The following KLF13 variants were observed in gnomAD, a reference collection of about 807,000 sequenced individuals.
The protein encoded by KLF13 is Krueppel-like factor 13.
KLF13 carries 8 observed loss-of-function variants against 16.7 expected under a neutral mutation model. That is an observed-to-expected ratio of 0.48 (90% CI 0.28 to 0.87). KLF13 has a LOEUF of 0.87. Ranked by LOEUF, KLF13 falls within the 40% of genes least tolerant of loss-of-function variation. The pLI is 0.10. For synonymous variants in KLF13, 245 were observed against 208.4 expected (o/e 1.18, Z -1.51); for missense variants, 447 against 452.2 (o/e 0.99, Z 0.10).
chr15:31,352,044 C>T (rs928468457), intron 1 of KLF13, among the ~76,000 whole-genome samples: 1 of 150,966 alleles, frequency 6.6e-6, no homozygotes, highest in Non-Finnish European at 1.5e-5. Flanking sequence ...GGGAGTTTTG[C>T]AGTGAACAGA....
chr15:31,405,048 T>C (rs7174859), downstream of KLF13, among the ~76,000 whole-genome samples: 16,526 of 152,212 alleles, frequency 0.11, 3,113 homozygotes, highest in African/African-American at 0.38. Context: ...CATGTGCCCC[T>C]GAAACTCATA....
rs2038722641 is a variant in KLF13 at position 31,327,115 on chromosome 15, C to T, written c.-98C>T. ...AGCCCAGCCCGAGGAGAGGGCGCGC[C>T]GCGCCCCCGCCCCCCGCCCGCTCTC... is the stretch of plus-strand genomic sequence containing the variant. On this transcript the variant is annotated 5_prime_UTR_variant, in exon 1 of 2. Transcript: ENST00000307145. 5.8e-6 allele frequency: 6 copies of T among 1,033,198 alleles called. No homozygotes were observed. The highest frequency in any genetic ancestry group is 3.8e-5 in the South Asian group (1 of 26,534). 64.0% of individuals were successfully genotyped at this position (1,033,198 alleles called of 1,614,324 possible).
intron 1 of KLF13, among the ~76,000 whole-genome samples, chr15:31,386,399 T>A (rs538507907): frequency 6.6e-6 from 1 of 152,158 alleles, no homozygotes; most frequent in Non-Finnish European, 1.5e-5. Flanking sequence ...CTTGAAAGGC[T>A]GAAGCAGGAG....
intron 1 of KLF13, among the ~76,000 whole-genome samples, chr15:31,341,360 G>A (rs2039018666): frequency 1.3e-5 from 2 of 152,158 alleles, no homozygotes; most frequent in South Asian, 2.1e-4. Flanking sequence ...GTGTGTGTAC[G>A]TGTGTGTGTC....
chr15:31,383,774 C>T (rs111242083), intron 1 of KLF13, among the ~76,000 whole-genome samples: 82 of 152,104 alleles, frequency 5.4e-4, no homozygotes, highest in African/African-American at 1.7e-3. Flanking sequence ...TGGTGGTGGG[C>T]GCCTGTAGTC....
Position 31,359,690 on chromosome 15 carries a change from G to C in KLF13, c.578-12320G>C, listed in dbSNP as rs994228231. Among the ~76,000 whole-genome samples, 3 of 152,208 alleles carry C rather than the reference G, an allele frequency of 2.0e-5. No homozygotes were observed. In the East Asian group the frequency reaches 5.8e-4, roughly 29 times the overall value. ...TAGAGCTCTGGCATATGCATTTCAT[G>C]TGTGCATTTGAGGGTGGGGCTCAGC... is the stretch of plus-strand genomic sequence containing the variant. On this transcript the variant is annotated intron_variant, in intron 1 of 1. Transcript: ENST00000307145.
chr15:31,349,676 C>T (rs773450298), intron 1 of KLF13, among the ~76,000 whole-genome samples: 29 of 152,156 alleles, frequency 1.9e-4, no homozygotes, highest in African/African-American at 5.3e-4. Context: ...AGAAGTCCTC[C>T]GGGCCCATGT....
At chr15:31,361,806 C>T (rs539517762) in intron 1 of KLF13, among the ~76,000 whole-genome samples, 2 of 151,748 alleles carry the variant, frequency 1.3e-5, no homozygotes, top group Admixed American at 1.3e-4. Flanking sequence ...ACTGTCAAGG[C>T]TGGTGCCCCC....
intron 1 of KLF13, among the ~76,000 whole-genome samples, chr15:31,331,399 C>T (rs190580234): frequency 6.6e-5 from 10 of 152,332 alleles, no homozygotes; most frequent in Non-Finnish European, 1.2e-4. Flanking sequence ...TTATCTTTAC[C>T]CACTGAAGCA....
intron 1 of KLF13, among the ~76,000 whole-genome samples, chr15:31,329,139 T>G (rs2038780094): frequency 1.4e-5 from 2 of 141,266 alleles, no homozygotes; most frequent in South Asian, 2.2e-4. Context: ...TGGCAGGTGA[T>G]GGGGTAGAGG....
At chr15:31,343,678 T>A (rs2039066267) in intron 1 of KLF13, among the ~76,000 whole-genome samples, 1 of 152,208 alleles carries the variant, frequency 6.6e-6, no homozygotes, top group South Asian at 2.1e-4. Context: ...AAAAGTTTTC[T>A]ACTTAAACTG....
chr15:31,417,114 C>T (rs1448819872), intron 1 of KLF13, among the ~76,000 whole-genome samples: 4 of 152,156 alleles, frequency 2.6e-5, no homozygotes, highest in Non-Finnish European at 4.4e-5. Flanking sequence ...CATTATGAAG[C>T]AGCAAAAAGG....
chr15:31,339,876 C>A, intron 1 of KLF13: 1 of 686,276 alleles, frequency 1.5e-6, no homozygotes, highest in South Asian at 1.5e-5. Flanking sequence ...GGAGATGCAG[C>A]AGCGGGCTCT....
chr15:31,432,225 G>A (rs190141068), intron 1 of KLF13, among the ~76,000 whole-genome samples: 1 of 152,118 alleles, frequency 6.6e-6, no homozygotes, highest in African/African-American at 2.4e-5. Context: ...TTTTCCTGGA[G>A]CTCTTGCACT....
chr15:31,417,666 C>T (rs999998264), intron 1 of KLF13, among the ~76,000 whole-genome samples: 2 of 151,690 alleles, frequency 1.3e-5, no homozygotes, highest in Admixed American at 6.6e-5. Context: ...CTCAGCCTCC[C>T]GAGTAGCTGG....
chr15:31,383,129 A>G (rs370185914), intron 1 of KLF13, among the ~76,000 whole-genome samples: 3 of 152,162 alleles, frequency 2.0e-5, no homozygotes, highest in African/African-American at 7.2e-5. Context: ...CCAGCAACAC[A>G]AGGTGTTTTG....
chr15:31,360,576 C>T (rs1595471761), intron 1 of KLF13, among the ~76,000 whole-genome samples: 1 of 152,168 alleles, frequency 6.6e-6, no homozygotes, highest in Non-Finnish European at 1.5e-5. Context: ...CCTGGTGGCT[C>T]CATGGGCCTG....
chr15:31,334,521 G>A (rs1221197403), intron 1 of KLF13, among the ~76,000 whole-genome samples: 2 of 151,676 alleles, frequency 1.3e-5, no homozygotes. Flanking sequence ...TCCGCCTCCC[G>A]GGTTCAAGTG....
chr15:31,405,619 C>T (rs181344629), downstream of KLF13, among the ~76,000 whole-genome samples: 12 of 152,270 alleles, frequency 7.9e-5, no homozygotes, highest in East Asian at 1.2e-3. Context: ...GTAAAGCCTT[C>T]GGTAGTTTGG....
Sources: gnomAD v4.1 joint callset for allele counts (sites outside exome capture counted in the v4.1 genomes callset) on GRCh38, gnomAD v4.1.1 for gene constraint, MANE v1.5 for transcripts, NCBI Gene and HGNC (gene_info 2026-07-23, HGNC 2026-07-21) for gene names.